The following NUDT19 variants were observed in gnomAD, a reference collection of about 807,000 sequenced individuals.
NUDT19 encodes acyl-coenzyme A diphosphatase NUDT19.
NUDT19 carries 31 observed loss-of-function variants against 22.2 expected under a neutral mutation model. The observed-to-expected ratio is 1.40, with a 90% CI of 1.05 to 1.89. The LOEUF (loss-of-function observed/expected upper bound fraction) is 1.89. Ranked by LOEUF, NUDT19 falls within the 40% of genes most tolerant of loss-of-function variation. NUDT19 has a pLI of 0.00. For missense variants in NUDT19, 752 were observed against 514.2 expected, an observed-to-expected ratio of 1.46 and a Z score of -4.47; for synonymous variants, 325 against 230.8, an observed-to-expected ratio of 1.41 and a Z score of -3.70.
chr19:32,699,877 G>C (rs952076338), intron 1 of NUDT19, among the ~76,000 whole-genome samples: 2 of 152,114 alleles, frequency 1.3e-5, no homozygotes, highest in African/African-American at 4.8e-5. Flanking sequence ...AGTTTCTTTC[G>C]TTGGGTTCGT....
chr19:32,692,762 G>T (rs544231177), intron 1 of NUDT19, 88 bp downstream of exon 1: 1 of 1,004,710 alleles, frequency 1.0e-6, no homozygotes, highest in African/African-American at 1.7e-5. Context: ...AGGGACCCCC[G>T]CATAGGCCAA....
At chr19:32,699,253 G>A (rs893733007) in intron 1 of NUDT19, among the ~76,000 whole-genome samples, 2 of 152,100 alleles carry the variant, frequency 1.3e-5, no homozygotes, top group African/African-American at 4.8e-5. Context: ...TTTAGAAGTG[G>A]GACTAGCCTC....
chr19:32,703,825 G>C (rs964904978), intron 1 of NUDT19, among the ~76,000 whole-genome samples: 4 of 151,564 alleles, frequency 2.6e-5, no homozygotes, highest in Admixed American at 6.6e-5. Context: ...ACCATGCCCA[G>C]CTACTTTTTG....
chr19:32,699,712 G>A (rs367946144), intron 1 of NUDT19, among the ~76,000 whole-genome samples: 6 of 152,182 alleles, frequency 3.9e-5, no homozygotes, highest in South Asian at 4.1e-4. Context: ...TAGTCCCTTC[G>A]TGGTCACCAA....
At chr19:32,694,839 A>G (rs6510278) in intron 1 of NUDT19, among the ~76,000 whole-genome samples, 92,300 of 152,132 alleles carry the variant, frequency 0.61, 29,310 homozygotes, top group East Asian at 0.83. Context: ...CAGCTTGCAC[A>G]TTTGAGCAGA....
chr19:32,701,473 C>T (rs563118975), intron 1 of NUDT19, among the ~76,000 whole-genome samples: 2 of 152,110 alleles, frequency 1.3e-5, no homozygotes, highest in South Asian at 4.2e-4. Context: ...GCTGGGATTA[C>T]AGGCGTGAGC....
intron 1 of NUDT19, among the ~76,000 whole-genome samples, chr19:32,702,721 A>G (rs780678696): frequency 3.1e-4 from 47 of 152,208 alleles, no homozygotes; most frequent in African/African-American, 9.7e-4. Context: ...GTTATTGTCA[A>G]TAAGGTTAGA....
In NUDT19 at chr19:32,711,077, A is replaced by G. The variant is rs545257192; in HGVS notation, c.923-675A>G. Among the ~76,000 whole-genome samples, 139 of 152,298 alleles carry G rather than the reference A, an allele frequency of 9.1e-4. 1 individual carries two copies. The highest frequency in any genetic ancestry group is 1.6e-3 in the Non-Finnish European group (109 of 68,022). On this transcript the variant is annotated intron_variant, in intron 2 of 2. Coordinates refer to ENST00000397061, the MANE Select transcript of NUDT19 (RefSeq NM_001105570.2). The stretch of plus-strand genomic sequence containing the variant: ...ATAAAGAGAGTCATGAACTGGTATA[A>G]TAGTTACAGTTCACAGTGGAAACAT...
chr19:32,693,238 G>A (rs1968223304), intron 1 of NUDT19, among the ~76,000 whole-genome samples: 1 of 152,188 alleles, frequency 6.6e-6, no homozygotes, highest in African/African-American at 2.4e-5. Context: ...ATGTTCAGAT[G>A]TGTCTGGAGT....
intron 1 of NUDT19, among the ~76,000 whole-genome samples, chr19:32,707,775 G>A (rs894427773): frequency 1.6e-4 from 25 of 151,940 alleles, no homozygotes; most frequent in Non-Finnish European, 2.9e-4. Flanking sequence ...TCAGGAGATC[G>A]AGACCATCCT....
At chr19:32,700,159 G>A (rs1209338538) in intron 1 of NUDT19, among the ~76,000 whole-genome samples, 2 of 152,204 alleles carry the variant, frequency 1.3e-5, no homozygotes, top group Non-Finnish European at 2.9e-5. Flanking sequence ...CTGCTGGCTT[G>A]GGTGGCCAGC....
chr19:32,704,092 C>T (rs577431417), intron 1 of NUDT19, among the ~76,000 whole-genome samples: 1 of 152,268 alleles, frequency 6.6e-6, no homozygotes, highest in South Asian at 2.1e-4. Flanking sequence ...AATCCTCTAA[C>T]TTTTGCTTGC....
intron 1 of NUDT19, among the ~76,000 whole-genome samples, chr19:32,695,466 T>C (rs565290023): frequency 2.9e-4 from 44 of 152,338 alleles, no homozygotes; most frequent in African/African-American, 1.0e-3. Flanking sequence ...GCATGAATTA[T>C]ATATTTTAAA....
rs1293194863 is a variant in NUDT19 at position 32,692,572 on chromosome 19, C to T, written c.612C>T (p.Phe204=). 2.5e-6 allele frequency: 4 copies of T among 1,595,970 alleles called. No individual in the cohort carries two copies. Among genetic ancestry groups the T allele is most frequent in the East Asian group, 4.6e-5 (2 of 43,330 alleles). The change falls in exon 1 of 3, where the codon TTC becomes TTT. Residue 204 remains phenylalanine (F), a synonymous_variant. Coordinates refer to ENST00000397061, the MANE Select transcript of NUDT19 (RefSeq NM_001105570.2). ...ACTGGAGCGCCTGGCTCACCCCTTT[C>T]TTGCGGGGCACCACTCGCCGCTTTG... ...LHNWSAWLTP[F]LRGTTRRFDT... is the part of the protein sequence containing the mutation.
rs1290812061 is a variant in NUDT19 at position 32,691,947 on chromosome 19, G to C, written c.-14G>C. The C allele has an allele frequency of 1.6e-6, 2 of 1,217,120 alleles. No homozygotes were observed. The highest frequency in any genetic ancestry group is 3.1e-5 in the African/African-American group (2 of 63,576). The allele number at this position is 1,217,120 out of a possible 1,614,324, so 75.4% of individuals were successfully genotyped here. A position where few individuals can be genotyped will look rare whatever the true frequency, so the allele number is the denominator to read the frequency against. On this transcript the variant is annotated 5_prime_UTR_variant, in exon 1 of 3. Coordinates refer to ENST00000397061, the MANE Select transcript of NUDT19 (RefSeq NM_001105570.2). ...TCAGGCCGCGCCAGAATCGGATCCG[G>C]GAAGCTGCGCGCCATGAGCAGCTCC... is the stretch of plus-strand genomic sequence containing the variant.
chr19:32,698,462 A>G (rs771661280), intron 1 of NUDT19, among the ~76,000 whole-genome samples: 3 of 152,132 alleles, frequency 2.0e-5, no homozygotes, highest in African/African-American at 4.8e-5. Flanking sequence ...AGAACCTGCA[A>G]CGGTCCCTGG....
At chr19:32,703,202 T>C (rs1968353154) in intron 1 of NUDT19, among the ~76,000 whole-genome samples, 1 of 151,872 alleles carries the variant, frequency 6.6e-6, no homozygotes. Context: ...GTTTTCTCCG[T>C]GTTGGTCAGG....
chr19:32,695,406 C>CT (rs1968251394), intron 1 of NUDT19, among the ~76,000 whole-genome samples: 1 of 152,198 alleles, frequency 6.6e-6, no homozygotes, highest in Admixed American at 6.5e-5. Context: ...TCTCAAACTC[C>CT]TGACCTCATG....
At chr19:32,701,789 C>G (rs950223100) in intron 1 of NUDT19, among the ~76,000 whole-genome samples, 1 of 152,162 alleles carries the variant, frequency 6.6e-6, no homozygotes, top group African/African-American at 2.4e-5. Flanking sequence ...TATAGCCCCT[C>G]TGACTTTCTT....
Sources: allele counts gnomAD v4.1 joint callset (sites outside exome capture counted in the v4.1 genomes callset), GRCh38; gene constraint gnomAD v4.1.1; transcripts MANE v1.5; gene names NCBI Gene and HGNC (gene_info 2026-07-23, HGNC 2026-07-21).